Variants in SLC71A2 observed in about 807,000 individuals in gnomAD.
The protein encoded by SLC71A2 is hippocampus abundant transcript-like 1.
chr9:94,417,974 A>C, the SLC71A2 span, among the ~76,000 whole-genome samples: 1 of 148,576 alleles, frequency 6.7e-6, no homozygotes. Context: ...CTCCTGCCTC[A>C]GTCTCCCGAG....
At chr9:94,421,071 T>C in the SLC71A2 span, among the ~76,000 whole-genome samples, 100,980 of 143,018 alleles carry the variant, frequency 0.71, 37,375 homozygotes, top group African/African-American at 0.93. Context: ...TCCTAAAAAC[T>C]AGAAAATAGG....
chr9:94,401,330 A>G, the SLC71A2 span, among the ~76,000 whole-genome samples: 3 of 151,834 alleles, frequency 2.0e-5, no homozygotes, highest in African/African-American at 7.3e-5. Context: ...CGCCACCACA[A>G]CCAGCAAATT....
the SLC71A2 span, among the ~76,000 whole-genome samples, chr9:94,404,197 T>C: frequency 6.6e-6 from 1 of 152,252 alleles, no homozygotes; most frequent in Non-Finnish European, 1.5e-5. Context: ...CAAAACAGAT[T>C]AAGACAGTAG....
chr9:94,454,957 G>A, the SLC71A2 span, among the ~76,000 whole-genome samples: 225 of 152,192 alleles, frequency 1.5e-3, 1 homozygote, highest in African/African-American at 4.8e-3. Flanking sequence ...TAATGTGGCA[G>A]GTTTCTCCAT....
At chr9:94,429,887 C>T in the SLC71A2 span, among the ~76,000 whole-genome samples, 5 of 150,924 alleles carry the variant, frequency 3.3e-5, no homozygotes, top group Non-Finnish European at 7.4e-5. Context: ...TGATAGCATT[C>T]TTTTTCCTCA....
the SLC71A2 span, among the ~76,000 whole-genome samples, chr9:94,421,519 A>G: frequency 7.2e-5 from 11 of 152,176 alleles, no homozygotes; most frequent in Admixed American, 7.2e-4. Flanking sequence ...GTATGTAGCA[A>G]CATTTCATTG....
At chr9:94,387,619 A>G in the SLC71A2 span, among the ~76,000 whole-genome samples, 4 of 152,340 alleles carry the variant, frequency 2.6e-5, no homozygotes, top group African/African-American at 7.2e-5. Context: ...TGACTGAACA[A>G]TGGAGCTGGG....
At chr9:94,429,911 T>TTA in the SLC71A2 span, among the ~76,000 whole-genome samples, 20 of 148,118 alleles carry the variant, frequency 1.4e-4, no homozygotes, top group South Asian at 8.5e-4. Context: ...TTTATTTTAT[T>TTA]TTTTTTTTTT....
chr9:94,430,465 T>C, the SLC71A2 span, among the ~76,000 whole-genome samples: 4 of 152,160 alleles, frequency 2.6e-5, no homozygotes, highest in East Asian at 7.8e-4. Context: ...TCAAGTGATC[T>C]GCCCGCCTTG....
the SLC71A2 span, among the ~76,000 whole-genome samples, chr9:94,444,442 CT>C: frequency 6.6e-6 from 1 of 152,330 alleles, no homozygotes; most frequent in East Asian, 1.9e-4. Flanking sequence ...AGGGTTCCCC[CT>C]GACCCCAGGC....
the SLC71A2 span, among the ~76,000 whole-genome samples, chr9:94,414,118 A>C: frequency 3.0e-4 from 45 of 152,162 alleles, no homozygotes; most frequent in Non-Finnish European, 5.3e-4. Context: ...CAGCAAAGTC[A>C]TATTGTGAAA....
At chr9:94,379,932 C>G in the SLC71A2 span, among the ~76,000 whole-genome samples, 1 of 152,112 alleles carries the variant, frequency 6.6e-6, no homozygotes, top group Non-Finnish European at 1.5e-5. Context: ...TGGCTGTATA[C>G]ACGTAAACAT....
the SLC71A2 span, among the ~76,000 whole-genome samples, chr9:94,420,221 A>T: frequency 9.9e-5 from 15 of 152,060 alleles, no homozygotes; most frequent in Non-Finnish European, 2.1e-4. Flanking sequence ...ACCTCCTACA[A>T]CTACCTGTTA....
At chr9:94,379,170 T>A in the SLC71A2 span, among the ~76,000 whole-genome samples, 2 of 149,678 alleles carry the variant, frequency 1.3e-5, no homozygotes, top group Admixed American at 1.3e-4. Context: ...CACTACAGCC[T>A]CTGCCTGCCG....
chr9:94,409,694 A>T, the SLC71A2 span, among the ~76,000 whole-genome samples: 1 of 152,014 alleles, frequency 6.6e-6, no homozygotes, highest in Non-Finnish European at 1.5e-5. Flanking sequence ...AAGTTTTGTA[A>T]CTTTCCTTGT....
At chr9:94,425,228 C>T in the SLC71A2 span, among the ~76,000 whole-genome samples, 31 of 152,100 alleles carry the variant, frequency 2.0e-4, no homozygotes, top group African/African-American at 7.0e-4. Context: ...CGCTTGAACC[C>T]GGGAGGTGGA....
At chr9:94,397,090 A>G in the SLC71A2 span, among the ~76,000 whole-genome samples, 1 of 151,280 alleles carries the variant, frequency 6.6e-6, no homozygotes, top group Non-Finnish European at 1.5e-5. Context: ...AATAGTACTA[A>G]TTTTTCCTCT....
At chr9:94,383,000 A>G in the SLC71A2 span, among the ~76,000 whole-genome samples, 5 of 151,534 alleles carry the variant, frequency 3.3e-5, no homozygotes, top group South Asian at 2.1e-4. Context: ...CCTTCCTTCT[A>G]TGTTTATGGA....
At chr9:94,401,813 C>G in the SLC71A2 span, among the ~76,000 whole-genome samples, 1 of 151,964 alleles carries the variant, frequency 6.6e-6, no homozygotes, top group Non-Finnish European at 1.5e-5. Context: ...AAAGTGAAAG[C>G]AAGTTTATTA....
Sources: allele counts gnomAD v4.1 joint callset (sites outside exome capture counted in the v4.1 genomes callset), GRCh38; gene constraint gnomAD v4.1.1; transcripts MANE v1.5; gene names NCBI Gene and HGNC (gene_info 2026-07-23, HGNC 2026-07-21).